Variants in AGO2 observed in about 807,000 individuals in gnomAD.
AGO2 encodes the protein argonaute RISC catalytic component 2.
In AGO2, 5 loss-of-function variants were observed where a neutral mutation model predicts 102.3. That is an observed-to-expected ratio of 0.05 (90% CI 0.03 to 0.10). AGO2 has a LOEUF of 0.10. Ranked by LOEUF, AGO2 falls within the 10% of genes least tolerant of loss-of-function variation. AGO2 has a pLI of 1.00. For synonymous variants in AGO2, 449 were observed against 473.1 expected (o/e 0.95, Z 0.66); for missense variants, 541 against 1,183.7 (o/e 0.46, Z 7.97).
chr8:140,559,173 C>T (rs1402556107), intron 6 of AGO2, among the ~76,000 whole-genome samples: 1 of 152,210 alleles, frequency 6.6e-6, no homozygotes, highest in Non-Finnish European at 1.5e-5. Flanking sequence ...ACTCCCCAAC[C>T]TCATCCTCAC....
At chr8:140,632,911 T>C (rs538397230) in intron 1 of AGO2, among the ~76,000 whole-genome samples, 4 of 151,870 alleles carry the variant, frequency 2.6e-5, no homozygotes, top group Admixed American at 6.6e-5. Context: ...CTTTTCTTTT[T>C]TTTTTTTTTC....
At chr8:140,537,315 G>C (rs2072715336) in intron 16 of AGO2, among the ~76,000 whole-genome samples, 1 of 149,246 alleles carries the variant, frequency 6.7e-6, no homozygotes, top group African/African-American at 2.4e-5. Context: ...CCAATTTTCA[G>C]GGTTTCTTTT....
At position 140,572,949 on chromosome 8, in the gene AGO2, A is replaced by T. The variant is rs1328428252; in HGVS notation, c.216-17T>A. On this transcript the variant is annotated splice_polypyrimidine_tract_variant and intron_variant, in intron 2 of 18. Coordinates refer to ENST00000220592, the MANE Select transcript of AGO2 (RefSeq NM_012154.5). ...ACGATTTCCCTGAAACAAAGACAAAAGTCGGGCAAAATGTCAATAAAATGG... is the reference window on the plus strand; with the variant it reads ...ACGATTTCCCTGAAACAAAGACAAATGTCGGGCAAAATGTCAATAAAATGG... 6.3e-7 allele frequency: 1 copy of T among 1,592,992 alleles called. No individual in the cohort carries two copies. Among genetic ancestry groups the T allele is most frequent in the Non-Finnish European group, 8.6e-7 (1 of 1,169,342 alleles).
At chr8:140,545,679 G>A (rs2072887486) in intron 13 of AGO2, among the ~76,000 whole-genome samples, 1 of 152,194 alleles carries the variant, frequency 6.6e-6, no homozygotes, top group Non-Finnish European at 1.5e-5. Flanking sequence ...TGCAGCCCAG[G>A]CCAAGGGCCT....
chr8:140,594,739 G>A (rs1288336148), intron 1 of AGO2, among the ~76,000 whole-genome samples: 1 of 151,996 alleles, frequency 6.6e-6, no homozygotes, highest in African/African-American at 2.4e-5. Context: ...GCCTGGGGAG[G>A]TCAAGGCTGC....
chr8:140,529,267 AC>A lies in AGO2; in HGVS notation c.*2776del, dbSNP rs2072551889. ...GACGATCAGATGCCGGGGAAGGGCC[AC>A]CTCTGGCTTTCACGTGAACAGGGCT... On this transcript the variant is annotated 3_prime_UTR_variant, in exon 19 of 19. Transcript: ENST00000220592. 6.6e-6 allele frequency: 1 copy of A among 152,192 alleles called. No individual in the cohort carries two copies. The highest frequency in any genetic ancestry group is 2.4e-5 in the African/African-American group (1 of 41,446). 9.4% of individuals were successfully genotyped at this position (152,192 alleles called of 1,614,324 possible).
chr8:140,575,401 G>A (rs561759838), intron 2 of AGO2, among the ~76,000 whole-genome samples: 8 of 152,114 alleles, frequency 5.3e-5, no homozygotes, highest in Non-Finnish European at 8.8e-5. Flanking sequence ...TGCAGCTCTC[G>A]CAAGAGGACA....
rs1438233748 is a variant in AGO2 at position 140,551,289 on chromosome 8, T to C, written c.1403+14A>G. 4.6e-6 allele frequency: 7 copies of C among 1,507,888 alleles called. No individual in the cohort carries two copies. The South Asian group carries it at 9.0e-5, about 19-fold the overall frequency. 93.4% of individuals were successfully genotyped at this position (1,507,888 alleles called of 1,614,324 possible). The stretch of plus-strand genomic sequence containing the variant: ...GCACCCCCAGGCCGGAGCCTCTGCC[T>C]GTGGGGGGCTTACTTCAGATGGACT... On this transcript the variant is annotated intron_variant, in intron 11 of 18. Coordinates refer to ENST00000220592, the MANE Select transcript of AGO2 (RefSeq NM_012154.5).
In AGO2 at chr8:140,539,233, G is replaced by A; in HGVS notation, c.2169+87C>T. On this transcript the variant is annotated intron_variant, in intron 16 of 18. Coordinates refer to ENST00000220592, the MANE Select transcript of AGO2 (RefSeq NM_012154.5). The surrounding 1 kb of genome is among the most constrained non-coding windows in gnomAD (Gnocchi z 4.7). ...CTAGAGCCTGGGACAGCGGCACTGT[G>A]GCCAGCAGGTTCTCTTGTGAGTGTG... is the stretch of plus-strand genomic sequence containing the variant. 1.4e-6 allele frequency: 2 copies of A among 1,474,758 alleles called. No individual in the cohort carries two copies. The highest frequency in any genetic ancestry group is 1.4e-5 in the South Asian group (1 of 73,930). 91.4% of individuals were successfully genotyped at this position (1,474,758 alleles called of 1,614,324 possible). A position where few individuals can be genotyped will look rare whatever the true frequency, so the allele number is the denominator to read the frequency against.
rs1381274389 is a variant in AGO2, at chr8:140,523,275, A to G, written c.*8769T>C. 1 of 152,252 alleles carries G rather than the reference A, an allele frequency of 6.6e-6. No homozygotes were observed. Among genetic ancestry groups the G allele is most frequent in the Non-Finnish European group, 1.5e-5 (1 of 68,048 alleles). The allele number at this position is 152,252 out of a possible 1,614,324, so 9.4% of individuals were successfully genotyped here. On this transcript the variant is annotated 3_prime_UTR_variant, in exon 19 of 19. Transcript: ENST00000220592. ...AGAAAATAGAGAACTTTCAATGGTC[A>G]TAATACATTTTGATTCAAAATGTCT...
At chr8:140,569,537 A>G (rs2073344897) in intron 3 of AGO2, among the ~76,000 whole-genome samples, 1 of 152,186 alleles carries the variant, frequency 6.6e-6, no homozygotes, top group South Asian at 2.1e-4. Flanking sequence ...TAAATTTTCT[A>G]TTCAACTGAG....
chr8:140,569,848 G>A (rs1331869895), intron 3 of AGO2, among the ~76,000 whole-genome samples: 1 of 152,208 alleles, frequency 6.6e-6, no homozygotes, highest in East Asian at 1.9e-4. Flanking sequence ...AGATTTAGGA[G>A]CTTCGTGTGT....
chr8:140,586,407 C>T (rs558608599), intron 1 of AGO2, among the ~76,000 whole-genome samples: 92 of 152,290 alleles, frequency 6.0e-4, no homozygotes, highest in Admixed American at 1.3e-3. Flanking sequence ...GCAGGAGAAC[C>T]GCTTGAACGC....
At chr8:140,554,219 T>C (rs1012033719) in intron 10 of AGO2, among the ~76,000 whole-genome samples, 12 of 152,164 alleles carry the variant, frequency 7.9e-5, no homozygotes, top group African/African-American at 2.9e-4. Flanking sequence ...CCCCAACTCA[T>C]GAAGGGGGAT....
At chr8:140,581,734 T>C (rs958059273) in intron 2 of AGO2, among the ~76,000 whole-genome samples, 2 of 152,206 alleles carry the variant, frequency 1.3e-5, no homozygotes, top group Admixed American at 6.5e-5. Context: ...GTGCACATAG[T>C]TTTTGTTCAG....
chr8:140,611,502 AT>A, intron 1 of AGO2, among the ~76,000 whole-genome samples: 1 of 151,808 alleles, frequency 6.6e-6, no homozygotes, highest in South Asian at 2.1e-4. Context: ...TAATTTTTGT[AT>A]TTTTAGTAGA....
At chr8:140,595,610 T>A (rs1040359892) in intron 1 of AGO2, among the ~76,000 whole-genome samples, 2 of 43,718 alleles carry the variant, frequency 4.6e-5, no homozygotes, top group Non-Finnish European at 1.1e-4. Flanking sequence ...CCAGGCTATA[T>A]ATATAATATA....
chr8:140,572,732 C>A, intron 3 of AGO2, 80 bp downstream of exon 3: 1 of 1,534,756 alleles, frequency 6.5e-7, no homozygotes, highest in Non-Finnish European at 8.8e-7. Context: ...TGTATGAGAA[C>A]AGGCATGACA....
At chr8:140,548,771 G>A (rs2072945707) in intron 12 of AGO2, among the ~76,000 whole-genome samples, 1 of 152,240 alleles carries the variant, frequency 6.6e-6, no homozygotes, top group Admixed American at 6.5e-5. Context: ...CGGGCAGGAG[G>A]TGACCCTGGT....
Sources: allele counts gnomAD v4.1 joint callset (sites outside exome capture counted in the v4.1 genomes callset), GRCh38; gene constraint gnomAD v4.1.1; non-coding constraint Gnocchi (gnomAD v3.1); transcripts MANE v1.5; gene names NCBI Gene and HGNC (gene_info 2026-07-23, HGNC 2026-07-21).